KIAA0825: variants seen among roughly 807,000 people sequenced by gnomAD.
The protein encoded by KIAA0825 is KIAA0825.
Under a neutral mutation model 147.6 loss-of-function variants are expected in KIAA0825, and 119 were observed. That is an observed-to-expected ratio of 0.81 (90% CI 0.69 to 0.94). KIAA0825 has a LOEUF of 0.94. Ranked by LOEUF, KIAA0825 falls within the 40% of genes least tolerant of loss-of-function variation. The pLI, the probability that KIAA0825 is intolerant of heterozygous loss-of-function variation, is 0.00. For synonymous variants in KIAA0825, 470 were observed against 518.1 expected, an observed-to-expected ratio of 0.91 and a Z score of 1.26; for missense variants, 1,381 against 1,472.7, an observed-to-expected ratio of 0.94 and a Z score of 1.02.
chr5:94,603,552 A>G (rs1181564686), intron 1 of KIAA0825, among the ~76,000 whole-genome samples: 2 of 152,228 alleles, frequency 1.3e-5, no homozygotes, highest in Middle Eastern at 3.2e-3. Flanking sequence ...TCAAGATGAC[A>G]GGATCAAATT....
At chr5:94,438,646 T>C (rs1320933279) in intron 14 of KIAA0825, among the ~76,000 whole-genome samples, 2 of 152,080 alleles carry the variant, frequency 1.3e-5, no homozygotes, top group African/African-American at 2.4e-5. Context: ...AGAGAAGCAA[T>C]ATTCTCACAA....
intron 2 of KIAA0825, among the ~76,000 whole-genome samples, chr5:94,541,657 C>T (rs1341449218): frequency 6.6e-6 from 1 of 152,190 alleles, no homozygotes; most frequent in African/African-American, 2.4e-5. Context: ...TGCTTTTAAT[C>T]TGCTCTTTAA....
chr5:94,187,911 C>A (rs1238332700), intron 20 of KIAA0825, among the ~76,000 whole-genome samples: 1 of 152,104 alleles, frequency 6.6e-6, no homozygotes, highest in Non-Finnish European at 1.5e-5. Flanking sequence ...TTGTATTCCT[C>A]CAAAATTCAT....
At chr5:94,437,964 G>T (rs572742231) in intron 14 of KIAA0825, among the ~76,000 whole-genome samples, 12 of 152,278 alleles carry the variant, frequency 7.9e-5, no homozygotes, top group African/African-American at 2.9e-4. Context: ...CACTGTGCCA[G>T]CTTAAGGAGG....
At chr5:94,296,330 A>G (rs1669010264) in intron 20 of KIAA0825, among the ~76,000 whole-genome samples, 1 of 152,058 alleles carries the variant, frequency 6.6e-6, no homozygotes, top group African/African-American at 2.4e-5. Context: ...AGTGGATCTT[A>G]GCTTGCTGGG....
chr5:94,191,135 A>T (rs531741145), intron 20 of KIAA0825, among the ~76,000 whole-genome samples: 1 of 152,186 alleles, frequency 6.6e-6, no homozygotes, highest in Non-Finnish European at 1.5e-5. Context: ...TTTTTTCTAT[A>T]GAAAAGGAGC....
chr5:94,366,212 C>T (rs1745830423), intron 20 of KIAA0825, among the ~76,000 whole-genome samples: 2 of 152,230 alleles, frequency 1.3e-5, no homozygotes, highest in Admixed American at 1.3e-4. Flanking sequence ...GTGAATTACT[C>T]TTTCTCTATT....
At chr5:94,598,259 T>G (rs905175697) in intron 1 of KIAA0825, among the ~76,000 whole-genome samples, 1 of 152,152 alleles carries the variant, frequency 6.6e-6, no homozygotes, top group African/African-American at 2.4e-5. Context: ...CTTTTTTTAA[T>G]GTTTGAAACT....
intron 3 of KIAA0825, among the ~76,000 whole-genome samples, chr5:94,528,493 A>C (rs750395979): frequency 5.9e-5 from 9 of 152,198 alleles, no homozygotes; most frequent in African/African-American, 1.9e-4. Context: ...AAGTGCTTTC[A>C]AAAGAGTCAA....
rs1398359609 is a variant in KIAA0825 at position 94,319,244 on chromosome 5, C to T, written c.3710+65124G>A. The stretch of plus-strand genomic sequence containing the variant: ...AACACCATATTCTGCTAGTTTTTCT[C>T]CTACTCCAGTGACCATTCTCAGTCT... On this transcript the variant is annotated intron_variant, in intron 20 of 20. Transcript: ENST00000682413. Among the ~76,000 whole-genome samples the T allele has an allele frequency of 2.6e-5, 4 of 151,978 alleles. No homozygotes were observed. The East Asian group carries it at 7.8e-4, about 30-fold the overall frequency.
At chr5:94,251,579 C>A (rs1775966143) in intron 20 of KIAA0825, among the ~76,000 whole-genome samples, 1 of 152,100 alleles carries the variant, frequency 6.6e-6, no homozygotes, top group East Asian at 1.9e-4. Flanking sequence ...GATATTAAAT[C>A]TGTACATGAT....
rs1766545693 is a variant in KIAA0825, at chr5:94,152,104, A to G, written c.*1903T>C. On this transcript the variant is annotated 3_prime_UTR_variant, in exon 21 of 21. Transcript: ENST00000682413. Reference sequence around the variant, plus strand: ...TGGTTTATGATTATACTGGCCAACTAAAGTACATTTTTTAAAAATAAAATG... The same window carrying G: ...TGGTTTATGATTATACTGGCCAACTGAAGTACATTTTTTAAAAATAAAATG... 6.6e-6 allele frequency among the ~76,000 whole-genome samples: 1 copy of G among 152,234 alleles called. No individual in the cohort carries two copies. Among genetic ancestry groups the G allele is most frequent in the East Asian group, 1.9e-4 (1 of 5,198 alleles).
At chr5:94,268,472 C>T (rs748397333) in intron 20 of KIAA0825, among the ~76,000 whole-genome samples, 1 of 152,036 alleles carries the variant, frequency 6.6e-6, no homozygotes, top group Non-Finnish European at 1.5e-5. Context: ...AATAATGTGG[C>T]AAAGTTGTTG....
At chr5:94,526,949 G>T (rs555071623) in intron 3 of KIAA0825, among the ~76,000 whole-genome samples, 1 of 152,008 alleles carries the variant, frequency 6.6e-6, no homozygotes, top group Non-Finnish European at 1.5e-5. Context: ...GGTGTAAAAA[G>T]GTTTTTCCTT....
At chr5:94,541,928 T>A (rs1351925073) in intron 2 of KIAA0825, among the ~76,000 whole-genome samples, 2 of 152,240 alleles carry the variant, frequency 1.3e-5, no homozygotes, top group African/African-American at 4.8e-5. Context: ...TATGCAAAAC[T>A]TATAATTCTA....
At chr5:94,487,596 T>G (rs1763206846) in intron 5 of KIAA0825, among the ~76,000 whole-genome samples, 1 of 152,184 alleles carries the variant, frequency 6.6e-6, no homozygotes, top group Admixed American at 6.5e-5. Flanking sequence ...CTCTTATTGT[T>G]AACAAAATTA....
Position 94,396,437 on chromosome 5 carries a change from G to A in KIAA0825, c.2960C>T (p.Pro987Leu), listed in dbSNP as rs764917077. ...SKLPTVIACLPPPVKYFFFLS... is the reference protein window; with the variant it reads ...SKLPTVIACLLPPVKYFFFLS... ...AAAAAAGAAGTATTTAACTGGGGGA[G>A]GCAAACATGCAATCACCGTAGGTAA... is the stretch of plus-strand genomic sequence containing the variant. Residue 987 changes from proline (P) to leucine (L), a missense_variant, in exon 17 of 21, where the codon CCT becomes CTT. Pro to Leu is a moderately conservative substitution (Grantham distance 98). Coordinates refer to ENST00000682413, the MANE Select transcript of KIAA0825 (RefSeq NM_001145678.3). The A allele has an allele frequency of 9.4e-4, 1,446 of 1,545,640 alleles. No individual in the cohort carries two copies. The highest frequency in any genetic ancestry group is 1.2e-3 in the Non-Finnish European group (1,376 of 1,144,466).
At chr5:94,581,332 CA>C (rs1316690518) in intron 2 of KIAA0825, among the ~76,000 whole-genome samples, 1 of 152,142 alleles carries the variant, frequency 6.6e-6, no homozygotes, top group East Asian at 1.9e-4. Flanking sequence ...AACTGTTTTC[CA>C]TTTATAAATT....
At chr5:94,558,482 G>A (rs1252982471) in intron 2 of KIAA0825, among the ~76,000 whole-genome samples, 1 of 152,174 alleles carries the variant, frequency 6.6e-6, no homozygotes, top group African/African-American at 2.4e-5. Context: ...ATTAGGTTAT[G>A]TGAGATACAC....
Sources: allele counts gnomAD v4.1 joint callset (sites outside exome capture counted in the v4.1 genomes callset), GRCh38; gene constraint gnomAD v4.1.1; transcripts MANE v1.5; gene names NCBI Gene and HGNC (gene_info 2026-07-23, HGNC 2026-07-21).